CLCN3: variants seen among roughly 807,000 people sequenced by gnomAD.
The protein encoded by CLCN3 is Cl-/H+ antiporter 3.
In CLCN3, 16 loss-of-function variants were observed where a neutral mutation model predicts 83.4. The ratio of observed to expected loss-of-function variants is 0.19; its 90% CI spans 0.13 to 0.29. The LOEUF is 0.29. Among genes scored for constraint, CLCN3 ranks in the 10% least tolerant of loss-of-function variants. The probability of loss-of-function intolerance (pLI) is 1.00; values close to 1 mark genes in which losing one functional copy is unlikely to be tolerated. For missense variants in CLCN3, 544 were observed against 1,006.0 expected (o/e 0.54, Z 6.21); for synonymous variants, 322 against 346.2 (o/e 0.93, Z 0.78).
chr4:169,664,019 C>T (rs767226670), intron 2 of CLCN3, among the ~76,000 whole-genome samples: 5 of 152,190 alleles, frequency 3.3e-5, no homozygotes, highest in African/African-American at 4.8e-5. Context: ...TTCTCACATA[C>T]ACAGGGGACT....
intron 1 of CLCN3, among the ~76,000 whole-genome samples, chr4:169,626,356 T>G (rs1773234478): frequency 6.6e-6 from 1 of 152,192 alleles, no homozygotes. Context: ...CCTTTTGGGT[T>G]TTTATGGAGG....
chr4:169,712,541 G>A (rs1255826379), intron 11 of CLCN3, among the ~76,000 whole-genome samples: 6 of 152,136 alleles, frequency 3.9e-5, no homozygotes, highest in Admixed American at 2.0e-4. Flanking sequence ...CATCTGTAAT[G>A]TTCATGACTT....
chr4:169,628,782 C>T (rs1288469754), intron 1 of CLCN3, among the ~76,000 whole-genome samples: 1 of 152,236 alleles, frequency 6.6e-6, no homozygotes, highest in Non-Finnish European at 1.5e-5. Flanking sequence ...TATGACCCAA[C>T]TATTGTACTC....
chr4:169,695,261 A>G (rs1179924563), intron 7 of CLCN3, among the ~76,000 whole-genome samples: 1 of 152,204 alleles, frequency 6.6e-6, no homozygotes, highest in Non-Finnish European at 1.5e-5. Flanking sequence ...CTATTTAAAA[A>G]TAGCTCCCCA....
Position 169,663,347 on chromosome 4 carries a change from T to TTC in CLCN3, c.161-16701_161-16700dup, listed in dbSNP as rs1221400929. Among the ~76,000 whole-genome samples the TTC allele has an allele frequency of 3.2e-4, 47 of 147,100 alleles. 1 individual carries two copies. The highest frequency in any genetic ancestry group is 1.2e-3 in the African/African-American group (47 of 40,274). On this transcript the variant is annotated intron_variant, in intron 2 of 12. Transcript: ENST00000513761. ...TGTTGTTGTTGTTGTTGTTGTTGTT[T>TTC]TCTTAAGAGAGAGGTATCACTTTTT...
chr4:169,653,990 C>T (rs1730810544), intron 2 of CLCN3, among the ~76,000 whole-genome samples: 1 of 152,134 alleles, frequency 6.6e-6, no homozygotes, highest in South Asian at 2.1e-4. Flanking sequence ...GGGGACAAAA[C>T]AACCAAACCA....
At position 169,697,399 on chromosome 4, in the gene CLCN3, G is replaced by C. The variant is rs745571413; in HGVS notation, c.1228G>C (p.Ala410Pro). 6.2e-7 allele frequency: 1 copy of C among 1,613,996 alleles called. No homozygotes were observed. Among genetic ancestry groups the C allele is most frequent in the East Asian group, 2.2e-5 (1 of 44,876 alleles). Residue 410 changes from alanine to proline, a missense_variant, in exon 9 of 13, where the codon GCA (alanine) becomes CCA (proline). Around this residue, in one of 6 missense-constraint regions of CLCN3, gnomAD observed 194 missense variants for 341.4 expected, o/e 0.57. Coordinates refer to ENST00000513761, the MANE Select transcript of CLCN3 (RefSeq NM_001829.4). ...GCTTTGGGGAGCCTTTTTCATTAGG[G>C]CAAATATTGCCTGGTGTCGTCGACG... ...GGLWGAFFIR[A>P]NIAWCRRRKS...
intron 1 of CLCN3, among the ~76,000 whole-genome samples, chr4:169,621,792 T>G (rs1221429735): frequency 6.6e-6 from 1 of 152,242 alleles, no homozygotes; most frequent in African/African-American, 2.4e-5. Context: ...TTTAAAGAGT[T>G]AATTTAGAAG....
intron 2 of CLCN3, among the ~76,000 whole-genome samples, chr4:169,656,389 T>C (rs1325266115): frequency 3.3e-5 from 5 of 152,224 alleles, no homozygotes; most frequent in Admixed American, 6.5e-5. Context: ...AGGGAGGTGC[T>C]ACACACTTTT....
rs1242842024 is a variant in CLCN3, at chr4:169,721,089, CAA to C, written c.*1093_*1094del. The C allele has an allele frequency of 6.6e-6, 1 of 152,180 alleles. No homozygotes were observed. Among genetic ancestry groups the C allele is most frequent in the Non-Finnish European group, 1.5e-5 (1 of 68,022 alleles). The allele number at this position is 152,180 out of a possible 1,614,324, so 9.4% of individuals were successfully genotyped here. On this transcript the variant is annotated 3_prime_UTR_variant, in exon 13 of 13. Coordinates refer to ENST00000513761, the MANE Select transcript of CLCN3 (RefSeq NM_001829.4). Reference sequence around the variant, plus strand: ...TAGATCAGTCATTCTTTTCTTTTCTCAAGATATCTCATGGCTGACACTGAAGA... The same window carrying C: ...TAGATCAGTCATTCTTTTCTTTTCTCGATATCTCATGGCTGACACTGAAGA...
rs1394412287 is a variant in CLCN3 at position 169,694,012 on chromosome 4, A to G, written c.937-1600A>G. ...GTATGAAATGGATTAAAACATGTAT[A>G]TGAGTTATAGATACCTAGGTGTTAG... On this transcript the variant is annotated intron_variant, in intron 7 of 12. Transcript: ENST00000513761. Among the ~76,000 whole-genome samples the G allele has an allele frequency of 7.2e-5, 11 of 152,292 alleles. No individual in the cohort carries two copies. In the East Asian group the frequency reaches 2.1e-3, roughly 29 times the overall value.
intron 4 of CLCN3, among the ~76,000 whole-genome samples, chr4:169,688,751 CA>C (rs1231740140): frequency 2.0e-5 from 3 of 152,094 alleles, no homozygotes; most frequent in African/African-American, 7.2e-5. Flanking sequence ...AACCTCCTGC[CA>C]AGTAGCTGTC....
chr4:169,702,959 A>C (rs1247923322), intron 9 of CLCN3, among the ~76,000 whole-genome samples: 1 of 152,130 alleles, frequency 6.6e-6, no homozygotes, highest in Admixed American at 6.5e-5. Context: ...ATTGGGTCTC[A>C]GGGAATAGGG....
chr4:169,635,830 A>T (rs1372734453), intron 1 of CLCN3, 83 bp from the exon 2 acceptor site: 17 of 1,155,840 alleles, frequency 1.5e-5, no homozygotes, highest in Admixed American at 5.6e-5. Context: ...CACATAGATC[A>T]TAACTTTCCT....
intron 2 of CLCN3, among the ~76,000 whole-genome samples, chr4:169,668,730 ATTT>A (rs538629875): frequency 1.4e-5 from 2 of 141,730 alleles, no homozygotes; most frequent in Admixed American, 7.1e-5. Context: ...AAAGTTTTTG[ATTT>A]TTTTTTTTTT....
At chr4:169,693,370 C>A (rs182063053) in intron 7 of CLCN3, among the ~76,000 whole-genome samples, 1 of 152,242 alleles carries the variant, frequency 6.6e-6, no homozygotes, top group Admixed American at 6.5e-5. Flanking sequence ...TTCTGTGTAT[C>A]TGGTACTGTG....
At chr4:169,716,747 C>A (rs1029559183) in intron 12 of CLCN3, among the ~76,000 whole-genome samples, 3 of 152,066 alleles carry the variant, frequency 2.0e-5, no homozygotes, top group African/African-American at 7.2e-5. Flanking sequence ...ACCTCCCACC[C>A]CAGCCATCAA....
intron 9 of CLCN3, among the ~76,000 whole-genome samples, chr4:169,703,428 TA>T (rs1732872205): frequency 6.6e-6 from 1 of 152,210 alleles, no homozygotes; most frequent in Non-Finnish European, 1.5e-5. Flanking sequence ...CATTTGTAAA[TA>T]TATAGGAGGA....
chr4:169,652,621 A>C (rs942294923), intron 2 of CLCN3, among the ~76,000 whole-genome samples: 1 of 152,208 alleles, frequency 6.6e-6, no homozygotes, highest in Non-Finnish European at 1.5e-5. Flanking sequence ...CTTGTGTGGT[A>C]CTTAGGTCCT....
Sources: allele counts gnomAD v4.1 joint callset (sites outside exome capture counted in the v4.1 genomes callset), GRCh38; gene constraint gnomAD v4.1.1; regional missense constraint gnomAD v4.1.1; transcripts MANE v1.5; gene names NCBI Gene and HGNC (gene_info 2026-07-23, HGNC 2026-07-21).